The following ARMC8 variants were observed in gnomAD, a reference collection of about 807,000 sequenced individuals.
ARMC8 encodes the protein armadillo repeat-containing protein 8.
ARMC8 carries 20 observed loss-of-function variants against 99.3 expected under a neutral mutation model. The ratio of observed to expected loss-of-function variants is 0.20; its 90% CI spans 0.14 to 0.29. ARMC8 has a LOEUF of 0.29. Ranked by LOEUF, ARMC8 falls within the 10% of genes least tolerant of loss-of-function variation. The pLI is 1.00. For missense variants in ARMC8, 569 were observed against 809.5 expected (o/e 0.70, Z 3.60); for synonymous variants, 263 against 278.3 (o/e 0.95, Z 0.55).
chr3:138,262,390 C>A, intron 12 of ARMC8: 2 of 878,358 alleles, frequency 2.3e-6, no homozygotes, highest in Non-Finnish European at 3.5e-6. Flanking sequence ...TAATCTACAG[C>A]TAAAATGTGG....
At chr3:138,215,189 T>A (rs1030979984) in intron 2 of ARMC8, among the ~76,000 whole-genome samples, 3 of 152,182 alleles carry the variant, frequency 2.0e-5, no homozygotes, top group Admixed American at 1.3e-4. Flanking sequence ...CAAGACTATA[T>A]ATTTGCGTGC....
chr3:138,250,037 A>G (rs1218525552), intron 12 of ARMC8, among the ~76,000 whole-genome samples: 1 of 152,208 alleles, frequency 6.6e-6, no homozygotes, highest in Non-Finnish European at 1.5e-5. Flanking sequence ...TTGTTCCTTG[A>G]AGGAAAAAAA....
intron 9 of ARMC8, among the ~76,000 whole-genome samples, chr3:138,237,775 A>G (rs2046406704): frequency 6.6e-6 from 1 of 152,044 alleles, no homozygotes. Flanking sequence ...CAGAACAGGA[A>G]CTCTCGTATA....
intron 7 of ARMC8, among the ~76,000 whole-genome samples, chr3:138,236,080 A>G (rs941178023): frequency 2.0e-5 from 3 of 152,132 alleles, no homozygotes; most frequent in Non-Finnish European, 4.4e-5. Context: ...TGCTGGGATT[A>G]CAGGCGTGAG....
At chr3:138,198,786 A>G (rs1221623518) in intron 1 of ARMC8, among the ~76,000 whole-genome samples, 1 of 152,012 alleles carries the variant, frequency 6.6e-6, no homozygotes. Flanking sequence ...TGCTGGGATT[A>G]CAGGCATGAG....
intron 1 of ARMC8, among the ~76,000 whole-genome samples, chr3:138,195,954 A>G (rs1356829422): frequency 6.6e-6 from 1 of 152,090 alleles, no homozygotes; most frequent in Non-Finnish European, 1.5e-5. Context: ...GTATTAGAGG[A>G]AGGAGGAATG....
chr3:138,258,231 A>G (rs1171336634), intron 12 of ARMC8, among the ~76,000 whole-genome samples: 4 of 152,194 alleles, frequency 2.6e-5, no homozygotes, highest in Admixed American at 2.0e-4. Context: ...ACCTGGTTTC[A>G]GTTTCCACAT....
intron 19 of ARMC8, among the ~76,000 whole-genome samples, chr3:138,286,487 G>A (rs2108367625): frequency 6.6e-6 from 1 of 152,050 alleles, no homozygotes; most frequent in South Asian, 2.1e-4. Flanking sequence ...TTTTCTCTTG[G>A]CTTGCGTGAC....
At chr3:138,293,307 C>G (rs569848101) in intron 21 of ARMC8, among the ~76,000 whole-genome samples, 8 of 152,192 alleles carry the variant, frequency 5.3e-5, no homozygotes, top group African/African-American at 1.9e-4. Flanking sequence ...TTTGGGAGGC[C>G]GAGGTAAGCG....
At chr3:138,288,541 A>G (rs1211573232) in intron 19 of ARMC8, among the ~76,000 whole-genome samples, 1 of 151,560 alleles carries the variant, frequency 6.6e-6, no homozygotes, top group East Asian at 1.9e-4. Flanking sequence ...CAGATTCTCC[A>G]CTGTCCCTTG....
chr3:138,282,081 C>G (rs925346759), intron 18 of ARMC8, among the ~76,000 whole-genome samples: 16 of 152,158 alleles, frequency 1.1e-4, no homozygotes, highest in African/African-American at 3.9e-4. Context: ...CAGGTTTTAC[C>G]TGTGTTCCCT....
intron 12 of ARMC8, among the ~76,000 whole-genome samples, chr3:138,254,406 G>A (rs2047280809): frequency 6.6e-6 from 1 of 152,096 alleles, no homozygotes; most frequent in Admixed American, 6.6e-5. Flanking sequence ...AAACTGTGAG[G>A]GTGCATGCCT....
chr3:138,262,293 A>G (rs377108477), intron 12 of ARMC8: 2 of 455,160 alleles, frequency 4.4e-6, no homozygotes, highest in African/African-American at 2.0e-5. Flanking sequence ...TATCAGTAAG[A>G]ATGGAATTAG....
chr3:138,256,640 G>A (rs1576790097), intron 12 of ARMC8, among the ~76,000 whole-genome samples: 1 of 151,762 alleles, frequency 6.6e-6, no homozygotes, highest in Non-Finnish European at 1.5e-5. Flanking sequence ...TCGATGTCCC[G>A]ACCTCGTGAT....
At chr3:138,203,007 G>A (rs934792426) in intron 1 of ARMC8, among the ~76,000 whole-genome samples, 4 of 152,054 alleles carry the variant, frequency 2.6e-5, no homozygotes, top group Non-Finnish European at 5.9e-5. Flanking sequence ...CATAGTCATG[G>A]GTAGTTTATT....
intron 2 of ARMC8, among the ~76,000 whole-genome samples, chr3:138,217,439 C>T (rs1452528380): frequency 2.0e-5 from 3 of 146,788 alleles, no homozygotes; most frequent in Non-Finnish European, 3.0e-5. Context: ...ATTTTAATAG[C>T]AACATATAGT....
At chr3:138,244,607 G>T (rs1470474286) in intron 11 of ARMC8, among the ~76,000 whole-genome samples, 1 of 152,132 alleles carries the variant, frequency 6.6e-6, no homozygotes, top group Non-Finnish European at 1.5e-5. Context: ...CCAAAATTAG[G>T]CCAGCACTAC....
chr3:138,215,815 T>C (rs1379931552), intron 2 of ARMC8, among the ~76,000 whole-genome samples: 1 of 152,022 alleles, frequency 6.6e-6, no homozygotes, highest in African/African-American at 2.4e-5. Flanking sequence ...GGAAAGAAAA[T>C]TAAATATTTA....
At chr3:138,237,661 C>A in intron 9 of ARMC8, 89 bp downstream of exon 9, 1 of 1,025,862 alleles carries the variant, frequency 9.7e-7, no homozygotes, top group Non-Finnish European at 1.4e-6. Flanking sequence ...TGCTTCCAAT[C>A]CCCATTTTAT....
Sources: gnomAD v4.1 joint callset for allele counts (sites outside exome capture counted in the v4.1 genomes callset) on GRCh38, gnomAD v4.1.1 for gene constraint, MANE v1.5 for transcripts, NCBI Gene and HGNC (gene_info 2026-07-23, HGNC 2026-07-21) for gene names.